Variants in CREB5 observed in about 807,000 individuals in gnomAD.
The protein encoded by CREB5 is cAMP responsive element binding protein 5.
A neutral mutation model predicts 57.1 loss-of-function variants in CREB5; 19 were observed. That is an observed-to-expected ratio of 0.33 (90% CI 0.23 to 0.49). The LOEUF is 0.49. Among genes scored for constraint, CREB5 ranks in the 20% least tolerant of loss-of-function variants. CREB5 has a pLI of 0.99. For synonymous variants in CREB5, 238 were observed against 238.3 expected (o/e 1.00, Z 0.01); for missense variants, 579 against 671.6 (o/e 0.86, Z 1.52).
At chr7:28,507,518 A>G in intron 3 of CREB5, 98 bp from the exon 4 acceptor site, 3 of 1,414,056 alleles carry the variant, frequency 2.1e-6, no homozygotes, top group African/African-American at 1.4e-5. Context: ...GGACATTTTA[A>G]TTAAGGCAAG....
At chr7:28,517,994 C>T (rs935799647) in intron 4 of CREB5, among the ~76,000 whole-genome samples, 8 of 152,060 alleles carry the variant, frequency 5.3e-5, no homozygotes, top group African/African-American at 1.7e-4. Flanking sequence ...AGCTATTATT[C>T]GAGAGTTTTG....
intron 7 of CREB5, among the ~76,000 whole-genome samples, chr7:28,744,216 T>A (rs903666260): frequency 1.3e-5 from 2 of 151,472 alleles, no homozygotes; most frequent in African/African-American, 2.4e-5. Context: ...TTCCATGGTG[T>A]ATATGTGCCA....
chr7:28,685,982 G>C (rs527624507), intron 5 of CREB5: 14 of 631,846 alleles, frequency 2.2e-5, no homozygotes, highest in Non-Finnish European at 3.8e-5. Context: ...CCAGGAGAAA[G>C]AGAGCAAGTG....
In CREB5 at chr7:28,368,362, G is replaced by A. The variant is rs532997493; in HGVS notation, c.-25+68921G>A. Among the ~76,000 whole-genome samples the A allele has an allele frequency of 3.3e-5, 5 of 152,124 alleles. No individual in the cohort carries two copies. The South Asian group carries it at 1.0e-3, about 32-fold the overall frequency. ...TCATCCATGTAACCAAAAACCACCT[G>A]TACCCCTAAAGCTATTGAAACAAAA... On this transcript the variant is annotated intron_variant, in intron 1 of 9. Transcript: ENST00000396299.
chr7:28,445,312 C>A (rs1448552316), intron 1 of CREB5, among the ~76,000 whole-genome samples: 2 of 152,156 alleles, frequency 1.3e-5, no homozygotes, highest in African/African-American at 4.8e-5. Flanking sequence ...ATGGAGCCAG[C>A]CTCCTTGAAA....
At chr7:28,596,325 A>C (rs1429629806) in intron 5 of CREB5, among the ~76,000 whole-genome samples, 1 of 152,248 alleles carries the variant, frequency 6.6e-6, no homozygotes, top group Non-Finnish European at 1.5e-5. Context: ...AGACAAAAGA[A>C]AGGAGCCAAC....
intron 5 of CREB5, among the ~76,000 whole-genome samples, chr7:28,644,511 C>T (rs1375638939): frequency 2.0e-5 from 3 of 152,232 alleles, no homozygotes; most frequent in Non-Finnish European, 4.4e-5. Flanking sequence ...GCGCCCCCAA[C>T]GTTCCACTCC....
chr7:28,402,144 G>T (rs562611537), intron 1 of CREB5, among the ~76,000 whole-genome samples: 1 of 152,240 alleles, frequency 6.6e-6, no homozygotes, highest in East Asian at 1.9e-4. Flanking sequence ...GTTTTGATTT[G>T]CATTTCTCTG....
chr7:28,721,400 C>A (rs1803024957), intron 6 of CREB5, among the ~76,000 whole-genome samples: 1 of 152,194 alleles, frequency 6.6e-6, no homozygotes, highest in Admixed American at 6.5e-5. Flanking sequence ...CGTAAGAGTT[C>A]CAGGCCCTAG....
At position 28,724,227 on chromosome 7, in the gene CREB5, G is replaced by A. The variant is rs757232924; in HGVS notation, c.597G>A (p.Glu199=). 11 of 1,612,520 alleles carry A rather than the reference G, an allele frequency of 6.8e-6. No individual in the cohort carries two copies. The Admixed American group carries it at 1.2e-4, about 17-fold the overall frequency. Reference sequence around the variant, plus strand: ...TTTTCTTTCCTTTCTCTTAGATGGAGCGACAAATGTCAGTGAACTCCAGCA... The same window carrying A: ...TTTTCTTTCCTTTCTCTTAGATGGAACGACAAATGTCAGTGAACTCCAGCA... ...PGSSAVLMPM[E]RQMSVNSSIM... is the part of the protein sequence containing the mutation. Residue 199 remains glutamate, a synonymous_variant, in exon 7 of 11, where the codon GAG becomes GAA. Coordinates refer to ENST00000357727, the MANE Select transcript of CREB5 (RefSeq NM_182898.4).
intron 5 of CREB5, among the ~76,000 whole-genome samples, chr7:28,696,838 GTATA>G (rs1219477367): frequency 6.7e-6 from 1 of 150,092 alleles, no homozygotes; most frequent in Non-Finnish European, 1.5e-5. Context: ...ATACACATAC[GTATA>G]TATACACATA....
At chr7:28,561,589 G>C (rs1478070408) in intron 4 of CREB5, among the ~76,000 whole-genome samples, 1 of 152,196 alleles carries the variant, frequency 6.6e-6, no homozygotes, top group Non-Finnish European at 1.5e-5. Context: ...CTGAAGTACA[G>C]AGAAGCTATA....
chr7:28,528,786 G>T (rs933978036), intron 4 of CREB5, among the ~76,000 whole-genome samples: 1 of 149,718 alleles, frequency 6.7e-6, no homozygotes, highest in East Asian at 1.9e-4. Flanking sequence ...AAAAAAAAAG[G>T]CTTGCCAATG....
intron 5 of CREB5, among the ~76,000 whole-genome samples, chr7:28,648,947 G>C (rs909091305): frequency 6.6e-6 from 1 of 152,092 alleles, no homozygotes; most frequent in Non-Finnish European, 1.5e-5. Flanking sequence ...TACCAATAAA[G>C]GTTTTGTGCT....
At chr7:28,682,688 G>GA (rs1263498792) in intron 5 of CREB5, among the ~76,000 whole-genome samples, 3 of 148,624 alleles carry the variant, frequency 2.0e-5, no homozygotes, top group African/African-American at 7.5e-5. Context: ...AAAGTGGGGG[G>GA]GGGGGGAAAC....
At chr7:28,422,967 A>T (rs1023555403) in intron 1 of CREB5, among the ~76,000 whole-genome samples, 2 of 152,208 alleles carry the variant, frequency 1.3e-5, no homozygotes, top group Non-Finnish European at 2.9e-5. Flanking sequence ...GATAGATATT[A>T]TCCTTCCCAT....
intron 1 of CREB5, among the ~76,000 whole-genome samples, chr7:28,345,227 T>C (rs1786026524): frequency 1.3e-5 from 2 of 151,540 alleles, no homozygotes; most frequent in Admixed American, 1.3e-4. Context: ...CTAGTGTACA[T>C]GGAATATTCT....
In CREB5 at chr7:28,819,125, G is replaced by C; in HGVS notation, c.1373G>C (p.Ser458Thr). ...TTTTTTTTCTCCCTAGGTCCAGAGA[G>C]TAGCCCTCCTGCTAGTCCTGTCCCA... ...KESQGYLSPE[S>T]SPPASPVPAC... Residue 458 changes from serine (S) to threonine (T), a missense_variant, in exon 11 of 11, where the codon AGT becomes ACT. Coordinates refer to ENST00000357727, the MANE Select transcript of CREB5 (RefSeq NM_182898.4). 2 of 1,613,302 alleles carry C rather than the reference G, an allele frequency of 1.2e-6. No homozygotes were observed. The highest frequency in any genetic ancestry group is 1.7e-6 in the Non-Finnish European group (2 of 1,179,600).
intron 1 of CREB5, among the ~76,000 whole-genome samples, chr7:28,321,087 T>C (rs1162445962): frequency 1.3e-5 from 2 of 152,208 alleles, no homozygotes; most frequent in African/African-American, 4.8e-5. Context: ...TGATAGAACT[T>C]GTCTCAACGG....
Sources: gnomAD v4.1 joint callset for allele counts (sites outside exome capture counted in the v4.1 genomes callset) on GRCh38, gnomAD v4.1.1 for gene constraint, MANE v1.5 for transcripts, NCBI Gene and HGNC (gene_info 2026-07-23, HGNC 2026-07-21) for gene names.